The following ITPR2 variants were observed in gnomAD, a reference collection of about 807,000 sequenced individuals.
ITPR2 encodes the protein inositol 1,4,5-trisphosphate receptor type 2.
ITPR2 carries 207 observed loss-of-function variants against 317.1 expected under a neutral mutation model. The observed-to-expected ratio is 0.65, with a 90% CI of 0.58 to 0.73. ITPR2 has a LOEUF of 0.73. Ranked by LOEUF, ITPR2 falls within the 30% of genes least tolerant of loss-of-function variation. The pLI is 0.00. For synonymous variants in ITPR2, 1,156 were observed against 1,149.1 expected (o/e 1.01, Z -0.12); for missense variants, 2,613 against 3,284.0 (o/e 0.80, Z 4.99).
At chr12:26,381,508 T>C (rs1939508596) in intron 55 of ITPR2, among the ~76,000 whole-genome samples, 2 of 152,216 alleles carry the variant, frequency 1.3e-5, no homozygotes, top group South Asian at 2.1e-4. Flanking sequence ...TGTTAATACA[T>C]ATTACAGATA....
chr12:26,821,520 G>A (rs1189329357), intron 1 of ITPR2, among the ~76,000 whole-genome samples: 1 of 152,178 alleles, frequency 6.6e-6, no homozygotes, highest in Non-Finnish European at 1.5e-5. Flanking sequence ...TGCCTCTCCT[G>A]ATGCTCAGTT....
rs1478266280 is a variant in ITPR2 at position 26,398,887 on chromosome 12, C to T, written c.7685G>A (p.Cys2562Tyr). 1.2e-6 allele frequency: 2 copies of T among 1,609,848 alleles called. No individual in the cohort carries two copies. Among genetic ancestry groups the T allele is most frequent in the Non-Finnish European group, 1.7e-6 (2 of 1,178,820 alleles). The change falls in exon 54 of 57, where the codon TGT becomes TAT. Residue 2562 changes from cysteine (C) to tyrosine (Y), a missense_variant. Transcript: ENST00000381340. ...TGCCGAACACTTACCACAGATGAAA[C>T]AAGTTGTCTTTAGAATTTCTTCTTT... ...QKKEEILKTT[C>Y]FICGLERDKF...
intron 55 of ITPR2, among the ~76,000 whole-genome samples, chr12:26,341,600 A>G (rs1938115493): frequency 6.6e-6 from 1 of 152,246 alleles, no homozygotes. Flanking sequence ...GATAAAATAT[A>G]TTGAAGAGTT....
chr12:26,575,940 C>T (rs1311516695), intron 34 of ITPR2, among the ~76,000 whole-genome samples: 1 of 152,236 alleles, frequency 6.6e-6, no homozygotes, highest in East Asian at 1.9e-4. Context: ...GTAGGGCCAA[C>T]TGGTATTTCC....
intron 45 of ITPR2, among the ~76,000 whole-genome samples, chr12:26,457,688 C>T (rs879415865): frequency 2.0e-5 from 3 of 152,076 alleles, no homozygotes; most frequent in Admixed American, 6.6e-5. Context: ...CAGTCACAGA[C>T]GTGGCTAGAG....
At position 26,337,075 on chromosome 12, in the gene ITPR2, A is replaced by G. The variant is rs1381710536; in HGVS notation, c.*2322T>C. 1.3e-5 allele frequency: 2 copies of G among 151,834 alleles called. No homozygotes were observed. The highest frequency in any genetic ancestry group is 2.9e-5 in the Non-Finnish European group (2 of 67,952). The allele number at this position is 151,834 out of a possible 1,614,324, so 9.4% of individuals were successfully genotyped here. On this transcript the variant is annotated 3_prime_UTR_variant, in exon 57 of 57. Transcript: ENST00000381340. ...TCAGAAATATTTAAATTTTGATGAAATAAGAGTCTTGTTAGTTGCAGTCTC... is the reference window on the plus strand; with the variant it reads ...TCAGAAATATTTAAATTTTGATGAAGTAAGAGTCTTGTTAGTTGCAGTCTC...
chr12:26,468,092 G>T (rs1272731945), intron 45 of ITPR2, among the ~76,000 whole-genome samples: 1 of 152,156 alleles, frequency 6.6e-6, no homozygotes, highest in African/African-American at 2.4e-5. Flanking sequence ...TGTGGTTCTA[G>T]TTGGACATAA....
intron 37 of ITPR2, among the ~76,000 whole-genome samples, chr12:26,527,689 G>C (rs750561430): frequency 6.6e-6 from 1 of 152,190 alleles, no homozygotes; most frequent in African/African-American, 2.4e-5. Context: ...TTATTCATCA[G>C]ATATGTTTCT....
chr12:26,625,348 C>T (rs61920358), intron 23 of ITPR2, among the ~76,000 whole-genome samples: 20,581 of 151,796 alleles, frequency 0.14, 1,886 homozygotes, highest in Admixed American at 0.19. Context: ...TTATTTGTAA[C>T]ACAAAAGATA....
At chr12:26,764,547 C>T (rs1043226522) in intron 2 of ITPR2, among the ~76,000 whole-genome samples, 2 of 151,952 alleles carry the variant, frequency 1.3e-5, no homozygotes, top group Admixed American at 1.3e-4. Flanking sequence ...TAATTAAAAA[C>T]TGTGCAACAA....
intron 48 of ITPR2, among the ~76,000 whole-genome samples, chr12:26,431,626 G>A (rs1941210913): frequency 6.6e-6 from 1 of 152,196 alleles, no homozygotes; most frequent in South Asian, 2.1e-4. Context: ...CTGCAGTAGA[G>A]GGTGAAGAGT....
chr12:26,560,896 C>T (rs1372711939), intron 35 of ITPR2, among the ~76,000 whole-genome samples: 3 of 152,110 alleles, frequency 2.0e-5, no homozygotes, highest in Non-Finnish European at 1.5e-5. Context: ...AAACTATACC[C>T]CAATTCAACT....
At chr12:26,711,056 A>G in intron 9 of ITPR2, 117 bp downstream of exon 9, 2 of 650,990 alleles carry the variant, frequency 3.1e-6, no homozygotes, top group Non-Finnish European at 5.6e-6. Context: ...ACTAGAGGCA[A>G]CAATCAAATT....
At chr12:26,745,141 G>A (rs897854096) in intron 2 of ITPR2, among the ~76,000 whole-genome samples, 2 of 152,180 alleles carry the variant, frequency 1.3e-5, no homozygotes, top group Non-Finnish European at 2.9e-5. Context: ...CAGGAATGAC[G>A]AACAACAGAC....
chr12:26,375,325 C>A (rs563820233), intron 55 of ITPR2, among the ~76,000 whole-genome samples: 2 of 152,124 alleles, frequency 1.3e-5, no homozygotes, highest in Non-Finnish European at 2.9e-5. Flanking sequence ...AAATAAATGA[C>A]TTAGGATGGG....
At chr12:26,640,370 A>G (rs752194976) in intron 21 of ITPR2, among the ~76,000 whole-genome samples, 6 of 152,184 alleles carry the variant, frequency 3.9e-5, no homozygotes, top group Non-Finnish European at 7.4e-5. Context: ...ACTTAAAAAA[A>G]AATTTAATTA....
chr12:26,451,837 C>CA (rs1278641155), intron 45 of ITPR2, among the ~76,000 whole-genome samples: 1 of 152,124 alleles, frequency 6.6e-6, no homozygotes, highest in African/African-American at 2.4e-5. Context: ...AAACAGCCCA[C>CA]AAAAAATGCA....
chr12:26,528,222 A>T (rs568462903), intron 37 of ITPR2, among the ~76,000 whole-genome samples: 1 of 152,184 alleles, frequency 6.6e-6, no homozygotes, highest in African/African-American at 2.4e-5. Flanking sequence ...AAAGATTCCT[A>T]TGACTTTCAA....
Position 26,483,959 on chromosome 12 carries a change from T to C in ITPR2, c.5812-61A>G, listed in dbSNP as rs541182903. On this transcript the variant is annotated intron_variant, in intron 41 of 56. Transcript: ENST00000381340. ...AAAATTCACTGTGCTGATTGTTTGC[T>C]GTTCTTCCCATATGTGTGCTTTTCT... 6 of 1,396,364 alleles carry C rather than the reference T, an allele frequency of 4.3e-6. No homozygotes were observed. The African/African-American group carries it at 7.1e-5, about 17-fold the overall frequency. 86.5% of individuals were successfully genotyped at this position (1,396,364 alleles called of 1,614,324 possible).
Sources: allele counts gnomAD v4.1 joint callset (sites outside exome capture counted in the v4.1 genomes callset), GRCh38; gene constraint gnomAD v4.1.1; transcripts MANE v1.5; gene names NCBI Gene and HGNC (gene_info 2026-07-23, HGNC 2026-07-21).